ROBO1: variants seen among roughly 807,000 people sequenced by gnomAD.
ROBO1 encodes roundabout guidance receptor 1.
ROBO1 carries 149 observed loss-of-function variants against 195.9 expected under a neutral mutation model. The observed-to-expected ratio is 0.76, with a 90% CI of 0.67 to 0.87. ROBO1 has a LOEUF of 0.87. Ranked by LOEUF, ROBO1 falls within the 40% of genes least tolerant of loss-of-function variation. ROBO1 has a pLI of 0.00. For synonymous variants in ROBO1, 816 were observed against 733.2 expected (o/e 1.11, Z -1.82); for missense variants, 1,933 against 2,068.3 (o/e 0.93, Z 1.27).
At chr3:78,820,615 TCTACAC>T (rs1255929408) in intron 4 of ROBO1, among the ~76,000 whole-genome samples, 1 of 152,220 alleles carries the variant, frequency 6.6e-6, no homozygotes, top group Non-Finnish European at 1.5e-5. Context: ...ATAGCTCCAG[TCTACAC>T]CAGACTCTGT....
chr3:79,208,466 T>C (rs1427801842), intron 2 of ROBO1, among the ~76,000 whole-genome samples: 1 of 152,192 alleles, frequency 6.6e-6, no homozygotes, highest in Non-Finnish European at 1.5e-5. Flanking sequence ...GGCTTGAAGA[T>C]AAGATAATTT....
At chr3:79,286,184 T>A (rs2031871418) in intron 2 of ROBO1, among the ~76,000 whole-genome samples, 1 of 152,192 alleles carries the variant, frequency 6.6e-6, no homozygotes, top group Non-Finnish European at 1.5e-5. Context: ...TTCACTAATA[T>A]TTTTCTGAAA....
chr3:79,206,680 T>C (rs2081874545), intron 2 of ROBO1, among the ~76,000 whole-genome samples: 1 of 152,102 alleles, frequency 6.6e-6, no homozygotes, highest in African/African-American at 2.4e-5. Context: ...AGCAGAAAAT[T>C]TTAAAATATA....
At chr3:79,476,351 A>G (rs747456746) in intron 2 of ROBO1, among the ~76,000 whole-genome samples, 1 of 152,128 alleles carries the variant, frequency 6.6e-6, no homozygotes, top group Non-Finnish European at 1.5e-5. Flanking sequence ...AGAACTAAAT[A>G]TAGAACTAAC....
chr3:79,766,725 G>T (rs2107542253), intron 1 of ROBO1, among the ~76,000 whole-genome samples: 1 of 152,236 alleles, frequency 6.6e-6, no homozygotes, highest in Middle Eastern at 3.4e-3. Flanking sequence ...CCGCGCCAAC[G>T]CTGGAACCGA....
intron 1 of ROBO1, among the ~76,000 whole-genome samples, chr3:79,607,095 GCACACACACACACACACA>G (rs35692271): frequency 5.7e-5 from 8 of 139,962 alleles, no homozygotes; most frequent in African/African-American, 1.6e-4. Context: ...ATTAAAACCT[GCACACACACACACACACA>G]CACACACACA....
intron 2 of ROBO1, among the ~76,000 whole-genome samples, chr3:79,558,483 G>C (rs916499216): frequency 6.6e-6 from 1 of 152,040 alleles, no homozygotes; most frequent in African/African-American, 2.4e-5. Flanking sequence ...TAAGGCTTCT[G>C]GTCAACTGTT....
chr3:79,457,359 CTAAGA>C (rs1336912119), intron 2 of ROBO1, among the ~76,000 whole-genome samples: 1 of 151,830 alleles, frequency 6.6e-6, no homozygotes, highest in African/African-American at 2.4e-5. Context: ...GAGGGGTACT[CTAAGA>C]TAAGATGAAT....
intron 2 of ROBO1, among the ~76,000 whole-genome samples, chr3:79,489,238 C>G (rs1445365733): frequency 6.6e-6 from 1 of 151,968 alleles, no homozygotes; most frequent in Non-Finnish European, 1.5e-5. Context: ...TTAGCTATTT[C>G]TTAACATGAA....
intron 2 of ROBO1, chr3:79,527,682 A>C (rs1433474221): frequency 6.6e-6 from 1 of 152,232 alleles, no homozygotes; most frequent in Non-Finnish European, 1.5e-5. Flanking sequence ...ATTGAGTGGT[A>C]TCTCTCCAAG....
chr3:79,078,439 T>C (rs918285700), intron 3 of ROBO1, among the ~76,000 whole-genome samples: 1 of 151,750 alleles, frequency 6.6e-6, no homozygotes, highest in African/African-American at 2.4e-5. Context: ...CACATTCTGG[T>C]GACTTCAGTG....
At chr3:78,934,930 A>C (rs942390318) in intron 4 of ROBO1, among the ~76,000 whole-genome samples, 14 of 152,008 alleles carry the variant, frequency 9.2e-5, no homozygotes, top group Non-Finnish European at 1.6e-4. Context: ...TTGGAAATAC[A>C]TTCTATTGTA....
intron 2 of ROBO1, among the ~76,000 whole-genome samples, chr3:79,313,054 G>A (rs1374389935): frequency 6.6e-6 from 1 of 151,768 alleles, no homozygotes; most frequent in Admixed American, 6.6e-5. Flanking sequence ...GGGGGCGGTG[G>A]TGGGCACCTG....
At chr3:79,182,939 G>A (rs959568695) in intron 2 of ROBO1, among the ~76,000 whole-genome samples, 2 of 151,818 alleles carry the variant, frequency 1.3e-5, no homozygotes, top group Non-Finnish European at 2.9e-5. Context: ...AAATTAGCCA[G>A]GTGTGGTGGC....
At chr3:79,323,131 GA>G (rs1224394003) in intron 2 of ROBO1, among the ~76,000 whole-genome samples, 1 of 151,390 alleles carries the variant, frequency 6.6e-6, no homozygotes, top group African/African-American at 2.4e-5. Context: ...ACCCAGGCTG[GA>G]GTGCAGTGGC....
intron 4 of ROBO1, among the ~76,000 whole-genome samples, chr3:78,934,807 A>C (rs970084692): frequency 2.0e-5 from 3 of 151,952 alleles, no homozygotes; most frequent in Admixed American, 2.0e-4. Flanking sequence ...ACACACACAC[A>C]CCAATCAATC....
intron 2 of ROBO1, among the ~76,000 whole-genome samples, chr3:79,492,131 A>T (rs1411081269): frequency 1.3e-5 from 2 of 152,120 alleles, no homozygotes; most frequent in African/African-American, 4.8e-5. Context: ...TTGCACCACA[A>T]AAGAGGCCGT....
intron 4 of ROBO1, among the ~76,000 whole-genome samples, chr3:78,880,294 T>C (rs968568648): frequency 6.6e-6 from 1 of 152,184 alleles, no homozygotes; most frequent in Non-Finnish European, 1.5e-5. Flanking sequence ...TTTAAGATGT[T>C]AACAATTAAA....
chr3:79,717,795 T>G lies in ROBO1; in HGVS notation c.-51+49957A>C, dbSNP rs150924898. 9.4e-3 allele frequency among the ~76,000 whole-genome samples: 1,432 copies of G among 152,146 alleles called. 9 individuals carry two copies. The highest frequency in any genetic ancestry group is 0.017 in the Middle Eastern group (5 of 294). ...ACCAAGCAAAAATAGTTACACTAGA[T>G]TATGTGTTTGTGTGTGAATGTATTC... On this transcript the variant is annotated intron_variant, in intron 1 of 30. Coordinates refer to ENST00000464233, the MANE Select transcript of ROBO1 (RefSeq NM_002941.4).
Sources: allele counts gnomAD v4.1 joint callset (sites outside exome capture counted in the v4.1 genomes callset), GRCh38; gene constraint gnomAD v4.1.1; transcripts MANE v1.5; gene names NCBI Gene and HGNC (gene_info 2026-07-23, HGNC 2026-07-21).